COL28A1: variants seen among roughly 807,000 people sequenced by gnomAD.
COL28A1 encodes the protein collagen alpha-1(XXVIII) chain.
A neutral mutation model predicts 150.2 loss-of-function variants in COL28A1; 161 were observed. The ratio of observed to expected loss-of-function variants is 1.07; its 90% CI spans 0.94 to 1.22. COL28A1 has a LOEUF of 1.22. Among genes scored for constraint, COL28A1 ranks in the 50% most tolerant of loss-of-function variants. The pLI, the probability that COL28A1 is intolerant of heterozygous loss-of-function variation, is 0.00. For missense variants in COL28A1, 1,617 were observed against 1,388.3 expected, an observed-to-expected ratio of 1.16 and a Z score of -2.62; for synonymous variants, 552 against 469.7, an observed-to-expected ratio of 1.18 and a Z score of -2.26.
intron 25 of COL28A1, among the ~76,000 whole-genome samples, chr7:7,421,736 G>GTA (rs1323729540): frequency 2.6e-5 from 4 of 152,178 alleles, no homozygotes; most frequent in African/African-American, 7.2e-5. Flanking sequence ...CTTTAAAACT[G>GTA]TACTTTATTA....
At chr7:7,341,392 T>C in the COL28A1 span, among the ~76,000 whole-genome samples, 24 of 152,156 alleles carry the variant, frequency 1.6e-4, no homozygotes, top group African/African-American at 5.3e-4. Context: ...ATTTTCTTTT[T>C]TAAAATGTAT....
intron 23 of COL28A1, 141 bp downstream of exon 23, chr7:7,436,254 T>C (rs534862461): frequency 1.5e-6 from 1 of 657,144 alleles, no homozygotes; most frequent in Non-Finnish European, 2.7e-6. Context: ...CTTGTTTTTT[T>C]AAAAAAAGGG....
intron 13 of COL28A1, among the ~76,000 whole-genome samples, chr7:7,481,305 G>T (rs1466292436): frequency 6.6e-6 from 1 of 152,150 alleles, no homozygotes; most frequent in Non-Finnish European, 1.5e-5. Context: ...AAAAAGCAGT[G>T]ATCCAAAGTG....
chr7:7,384,920 G>C (rs983217316), intron 27 of COL28A1, among the ~76,000 whole-genome samples: 3 of 152,306 alleles, frequency 2.0e-5, no homozygotes, highest in South Asian at 2.1e-4. Flanking sequence ...GAATAGGTGG[G>C]AAAGTGTAGA....
the COL28A1 span, among the ~76,000 whole-genome samples, chr7:7,350,990 C>T: frequency 3.9e-5 from 6 of 152,200 alleles, no homozygotes; most frequent in South Asian, 6.2e-4. Flanking sequence ...GCTGTTTATG[C>T]AATCCACAAG....
At chr7:7,480,948 G>A (rs1789339364) in intron 13 of COL28A1, among the ~76,000 whole-genome samples, 1 of 152,180 alleles carries the variant, frequency 6.6e-6, no homozygotes, top group Admixed American at 6.5e-5. Context: ...TCAACCACAA[G>A]TGTTCATGTA....
chr7:7,440,839 C>T lies in COL28A1; in HGVS notation c.1673G>A (p.Ser558Asn). 1 of 1,552,476 alleles carries T rather than the reference C, an allele frequency of 6.4e-7. No individual in the cohort carries two copies. The highest frequency in any genetic ancestry group is 1.7e-5 in the Admixed American group (1 of 59,862). Reference sequence around the variant, plus strand: ...TCCCCTCTGTCCTTGATTTCCTTTGCTCCCTTTCTTGCCTTCGTCACCCTA... The same window carrying T: ...TCCCCTCTGTCCTTGATTTCCTTTGTTCCCTTTCTTGCCTTCGTCACCCTA... ...GPKGDEGKKGSKGNQGQRGLP... is the reference protein window; with the variant it reads ...GPKGDEGKKGNKGNQGQRGLP... The change falls in exon 21 of 35, where the codon AGC becomes AAC. Residue 558 changes from serine (S) to asparagine (N), a missense_variant. Transcript: ENST00000399429.
Position 7,419,906 on chromosome 7 carries a change from G to A in COL28A1, c.2046C>T (p.Gly682=), listed in dbSNP as rs567997653. The change falls in exon 26 of 35, where the codon GGC becomes GGT. Residue 682 remains glycine (G), a synonymous_variant. Transcript: ENST00000399429. ...RGPPGPSGPR[G]VGTQGPKGDT... ...TCACCTTTGGCCCTTGGGTTCCTAC[G>A]CCCCGAGGCCCAGAAGGACCTGGAG... 52 of 1,599,998 alleles carry A rather than the reference G, an allele frequency of 3.2e-5. 2 individuals are homozygous for A. In the South Asian group the frequency reaches 4.9e-4, roughly 15 times the overall value.
chr7:7,374,240 T>C (rs1161230609), intron 31 of COL28A1, among the ~76,000 whole-genome samples: 6 of 152,150 alleles, frequency 3.9e-5, no homozygotes, highest in East Asian at 3.9e-4. Flanking sequence ...CATCCCACCA[T>C]TGTATTTAAT....
chr7:7,455,654 C>T (rs75534724), intron 16 of COL28A1, among the ~76,000 whole-genome samples: 6,308 of 152,112 alleles, frequency 0.041, 205 homozygotes, highest in South Asian at 0.076. Context: ...AGGGGGATAC[C>T]ACTCTACTCC....
intron 18 of COL28A1, among the ~76,000 whole-genome samples, chr7:7,446,716 C>G (rs972721238): frequency 6.6e-6 from 1 of 152,178 alleles, no homozygotes; most frequent in Non-Finnish European, 1.5e-5. Context: ...AGCTTCCAAT[C>G]AAATGCTTTA....
chr7:7,456,156 C>A, intron 15 of COL28A1, 44 bp from the exon 16 acceptor site: 2 of 1,589,010 alleles, frequency 1.3e-6, no homozygotes, highest in Admixed American at 1.7e-5. Context: ...AAAATAAAAT[C>A]TTATTATTTC....
At chr7:7,462,470 T>C (rs1407902272) in intron 15 of COL28A1, among the ~76,000 whole-genome samples, 4 of 152,072 alleles carry the variant, frequency 2.6e-5, no homozygotes, top group African/African-American at 9.7e-5. Context: ...TGTAAGGAAA[T>C]TTAAAAAATG....
At chr7:7,389,906 A>C (rs1169647962) in intron 27 of COL28A1, among the ~76,000 whole-genome samples, 1 of 152,116 alleles carries the variant, frequency 6.6e-6, no homozygotes, top group South Asian at 2.1e-4. Flanking sequence ...CTGAGACAAT[A>C]GTGTTTTCTA....
At chr7:7,542,437 G>C in the COL28A1 span, among the ~76,000 whole-genome samples, 5 of 152,152 alleles carry the variant, frequency 3.3e-5, no homozygotes, top group African/African-American at 1.2e-4. Context: ...GTGAAATCTG[G>C]GTGGCAGGTA....
At chr7:7,415,521 G>C in intron 27 of COL28A1, among the ~76,000 whole-genome samples, 1 of 152,180 alleles carries the variant, frequency 6.6e-6, no homozygotes, top group East Asian at 1.9e-4. Context: ...TATGTCTAAA[G>C]AGGTTTTTCT....
chr7:7,427,848 A>C (rs551914535), intron 25 of COL28A1, among the ~76,000 whole-genome samples: 7 of 150,170 alleles, frequency 4.7e-5, no homozygotes, highest in Admixed American at 3.3e-4. Context: ...TGCACACACA[A>C]AAGAGTGCCT....
chr7:7,497,102 G>GAAGGAAGGAAGGAAGGAAGA (rs1562834396), intron 11 of COL28A1, among the ~76,000 whole-genome samples: 3 of 143,032 alleles, frequency 2.1e-5, no homozygotes, highest in Admixed American at 6.9e-5. Flanking sequence ...AGAAAGGAAG[G>GAAGGAAGGAAGGAAGGAAGA]AAGGAAGGAA....
chr7:7,443,395 C>T (rs376711989), intron 20 of COL28A1, among the ~76,000 whole-genome samples, 190 bp downstream of exon 20: 8 of 151,826 alleles, frequency 5.3e-5, no homozygotes, highest in African/African-American at 1.5e-4. Context: ...TTACAATAGA[C>T]GTTAGGAAAA....
Sources: allele counts gnomAD v4.1 joint callset (sites outside exome capture counted in the v4.1 genomes callset), GRCh38; gene constraint gnomAD v4.1.1; transcripts MANE v1.5; gene names NCBI Gene and HGNC (gene_info 2026-07-23, HGNC 2026-07-21).